DLGAP1: variants seen among roughly 807,000 people sequenced by gnomAD.
The protein encoded by DLGAP1 is DLG associated protein 1, also known as disks large-associated protein 1.
DLGAP1 carries 11 observed loss-of-function variants against 90.8 expected under a neutral mutation model. That is an observed-to-expected ratio of 0.12 (90% CI 0.08 to 0.20). The LOEUF (loss-of-function observed/expected upper bound fraction) is 0.20. DLGAP1 is among the 10% of genes least tolerant of loss of function. The probability of loss-of-function intolerance (pLI) is 1.00; values close to 1 mark genes in which losing one functional copy is unlikely to be tolerated. For missense variants in DLGAP1, 1,050 were observed against 1,333.8 expected, an observed-to-expected ratio of 0.79 and a Z score of 3.31; for synonymous variants, 558 against 540.7, an observed-to-expected ratio of 1.03 and a Z score of -0.44.
chr18:3,850,733 T>C (rs1196279042), intron 4 of DLGAP1, among the ~76,000 whole-genome samples: 1 of 152,210 alleles, frequency 6.6e-6, no homozygotes, highest in Non-Finnish European at 1.5e-5. Context: ...GGCTGTTAAA[T>C]GGAAGGTCCG....
At chr18:3,780,924 T>C (rs2065160385) in intron 5 of DLGAP1, among the ~76,000 whole-genome samples, 1 of 152,126 alleles carries the variant, frequency 6.6e-6, no homozygotes, top group African/African-American at 2.4e-5. Flanking sequence ...ATCCTCTCAC[T>C]TCAGTCTCCC....
intron 1 of DLGAP1, among the ~76,000 whole-genome samples, chr18:4,215,367 C>T (rs1033081015): frequency 2.0e-5 from 3 of 152,076 alleles, no homozygotes; most frequent in African/African-American, 7.2e-5. Context: ...TAAAGACAGG[C>T]CTTACACAAA....
chr18:3,584,827 C>T lies in DLGAP1; in HGVS notation c.1592-2579G>A, dbSNP rs143204762. On this transcript the variant is annotated intron_variant, in intron 7 of 12. Coordinates refer to ENST00000315677, the MANE Select transcript of DLGAP1 (RefSeq NM_004746.4). ...AAGGCAGTGGCACGATCATGGCTCA[C>T]TGCAGCCTCGATCTCCTAGGCTCAA... 8.7e-3 allele frequency among the ~76,000 whole-genome samples: 1,323 copies of T among 152,296 alleles called. 15 individuals carry two copies. The highest frequency in any genetic ancestry group is 0.03 in the African/African-American group (1,252 of 41,550).
At chr18:4,144,480 C>G (rs929503425) in intron 2 of DLGAP1, among the ~76,000 whole-genome samples, 5 of 152,210 alleles carry the variant, frequency 3.3e-5, no homozygotes, top group South Asian at 4.1e-4. Flanking sequence ...AGGGCCCCTG[C>G]TGGGAGACAG....
At chr18:3,891,215 C>T (rs2071449513) in intron 3 of DLGAP1, among the ~76,000 whole-genome samples, 1 of 152,190 alleles carries the variant, frequency 6.6e-6, no homozygotes, top group African/African-American at 2.4e-5. Context: ...CCCATTCCAT[C>T]CATCCCTAGT....
intron 3 of DLGAP1, among the ~76,000 whole-genome samples, chr18:3,986,818 T>C (rs571043859): frequency 2.2e-4 from 34 of 152,290 alleles, no homozygotes; most frequent in African/African-American, 7.9e-4. Context: ...TCTGGTATGA[T>C]TGTACCTTGT....
chr18:4,088,509 T>C (rs529840423), intron 2 of DLGAP1, among the ~76,000 whole-genome samples: 1 of 152,308 alleles, frequency 6.6e-6, no homozygotes, highest in African/African-American at 2.4e-5. Flanking sequence ...TTTTTGAGGA[T>C]CCAAGTTTCT....
chr18:3,864,739 C>T (rs1202662474), intron 4 of DLGAP1, among the ~76,000 whole-genome samples: 1 of 152,152 alleles, frequency 6.6e-6, no homozygotes, highest in Non-Finnish European at 1.5e-5. Flanking sequence ...AATATAAACT[C>T]TACTGATATT....
intron 5 of DLGAP1, among the ~76,000 whole-genome samples, chr18:3,753,641 C>T (rs151206629): frequency 1.3e-5 from 2 of 152,310 alleles, no homozygotes; most frequent in African/African-American, 4.8e-5. Flanking sequence ...GGAGCTCCAT[C>T]GCTCACCTGT....
chr18:4,102,318 T>C (rs996600264), intron 2 of DLGAP1, among the ~76,000 whole-genome samples: 13 of 152,318 alleles, frequency 8.5e-5, no homozygotes, highest in African/African-American at 2.9e-4. Context: ...TTTGTGTAAA[T>C]GGAATTCATA....
At chr18:4,070,140 G>A (rs144273004) in intron 2 of DLGAP1, among the ~76,000 whole-genome samples, 5,350 of 151,960 alleles carry the variant, frequency 0.035, 170 homozygotes, top group East Asian at 0.14. Context: ...CTGCCATTAC[G>A]CCTGGCTAAT....
chr18:4,164,706 GCAA>G (rs1172322532), intron 1 of DLGAP1, among the ~76,000 whole-genome samples: 6 of 151,282 alleles, frequency 4.0e-5, no homozygotes, highest in South Asian at 2.1e-4. Context: ...ACAAAACAAA[GCAA>G]CAACAACAAC....
chr18:4,059,301 T>C (rs1373379961), intron 2 of DLGAP1, among the ~76,000 whole-genome samples: 2 of 152,146 alleles, frequency 1.3e-5, no homozygotes, highest in Non-Finnish European at 2.9e-5. Flanking sequence ...TCTTTGCACA[T>C]GGGTAACTGT....
At chr18:3,825,127 A>G (rs999866297) in intron 4 of DLGAP1, among the ~76,000 whole-genome samples, 1 of 152,204 alleles carries the variant, frequency 6.6e-6, no homozygotes, top group Non-Finnish European at 1.5e-5. Flanking sequence ...TAGTTATCCA[A>G]ATCAGTGCTT....
intron 3 of DLGAP1, among the ~76,000 whole-genome samples, chr18:3,931,282 C>T (rs1172633039): frequency 1.3e-5 from 2 of 152,160 alleles, no homozygotes; most frequent in Admixed American, 6.5e-5. Context: ...GCAGTCTTTC[C>T]ATCTGCTTTG....
chr18:4,214,311 A>AT (rs71160947), intron 1 of DLGAP1, among the ~76,000 whole-genome samples: 91,395 of 148,250 alleles, frequency 0.62, 28,548 homozygotes, highest in East Asian at 0.84. Flanking sequence ...AAGGAAACAG[A>AT]TTTTTTTTTT....
At chr18:3,513,776 T>A (rs1019815715) in intron 10 of DLGAP1, among the ~76,000 whole-genome samples, 3 of 152,230 alleles carry the variant, frequency 2.0e-5, no homozygotes, top group Non-Finnish European at 4.4e-5. Context: ...AATCTATGAT[T>A]TGAAATCTCC....
At chr18:4,059,227 G>T (rs562833704) in intron 2 of DLGAP1, among the ~76,000 whole-genome samples, 5 of 152,148 alleles carry the variant, frequency 3.3e-5, no homozygotes, top group Admixed American at 2.6e-4. Context: ...GGGCTGCCCT[G>T]TTCAGGATAG....
intron 7 of DLGAP1, chr18:3,596,549 G>A: frequency 1.4e-5 from 3 of 214,928 alleles, no homozygotes; most frequent in South Asian, 8.4e-5. Context: ...TTCTCTGTTA[G>A]GAGAACTTTT....
Sources: allele counts gnomAD v4.1 joint callset (sites outside exome capture counted in the v4.1 genomes callset), GRCh38; gene constraint gnomAD v4.1.1; transcripts MANE v1.5; gene names NCBI Gene and HGNC (gene_info 2026-07-23, HGNC 2026-07-21).